Variants in FADS2 observed in about 807,000 individuals in gnomAD.
The protein encoded by FADS2 is fatty acid desaturase 2.
Under a neutral mutation model 61.2 loss-of-function variants are expected in FADS2, and 18 were observed. The observed-to-expected ratio is 0.29, with a 90% CI of 0.20 to 0.44. FADS2 has a LOEUF of 0.44. Ranked by LOEUF, FADS2 falls within the 20% of genes least tolerant of loss-of-function variation. The pLI is 1.00. For missense variants in FADS2, 322 were observed against 572.7 expected, an observed-to-expected ratio of 0.56 and a Z score of 4.47; for synonymous variants, 203 against 223.9, an observed-to-expected ratio of 0.91 and a Z score of 0.83.
intron 5 of FADS2, chr11:61,856,647 T>C: frequency 4.0e-6 from 1 of 251,260 alleles, no homozygotes; most frequent in Non-Finnish European, 7.6e-6. Flanking sequence ...TTAGTGCCTG[T>C]CACATGGGCT....
At chr11:61,857,636 G>A (rs2067373871) in intron 7 of FADS2, 106 bp downstream of exon 7, 2 of 971,894 alleles carry the variant, frequency 2.1e-6, no homozygotes, top group South Asian at 1.3e-5. Context: ...GAGCCTGTGG[G>A]GCCCCAGGCA....
At chr11:61,850,313 C>T (rs563626282) in intron 5 of FADS2, among the ~76,000 whole-genome samples, 5 of 152,194 alleles carry the variant, frequency 3.3e-5, no homozygotes, top group African/African-American at 9.6e-5. Flanking sequence ...TGCAGTGGCA[C>T]GATCTTGGCT....
chr11:61,863,163 G>A lies in FADS2; in HGVS notation c.980+94G>A. ...AGGCTCGGACGGCTCCACTTTGCCT[G>A]GGGACCTCCCATCCTGGCCCCTTGG... On this transcript the variant is annotated intron_variant, in intron 8 of 11. Coordinates refer to ENST00000278840, the MANE Select transcript of FADS2 (RefSeq NM_004265.4). The A allele has an allele frequency of 3.5e-6, 5 of 1,441,100 alleles. No individual in the cohort carries two copies. The South Asian group carries it at 5.7e-5, about 17-fold the overall frequency. 89.3% of individuals were successfully genotyped at this position (1,441,100 alleles called of 1,614,324 possible). A position where few individuals can be genotyped will look rare whatever the true frequency, so the allele number is the denominator to read the frequency against.
intron 10 of FADS2, chr11:61,864,075 A>G: frequency 2.4e-6 from 1 of 418,142 alleles, no homozygotes; most frequent in Non-Finnish European, 4.4e-6. Flanking sequence ...GAGCCTGCAC[A>G]CGCACCTCAT....
intron 1 of FADS2, among the ~76,000 whole-genome samples, chr11:61,820,288 T>C (rs529946654): frequency 6.6e-6 from 1 of 151,746 alleles, no homozygotes; most frequent in African/African-American, 2.4e-5. Flanking sequence ...TTTGGTAAGG[T>C]GCTGGGAATA....
In FADS2 at chr11:61,865,618, G is replaced by C; in HGVS notation, c.1284-20G>C. On this transcript the variant is annotated intron_variant, in intron 11 of 11. Transcript: ENST00000278840. This position sits in a 1 kb window ranked among gnomAD's most constrained non-coding sequence, Gnocchi z 4.1. ...ACTCCCGTCCTGGTCCCTGACCCTGGTCCATCCCCAACTTTGCAGGTCCCT... is the reference window on the plus strand; with the variant it reads ...ACTCCCGTCCTGGTCCCTGACCCTGCTCCATCCCCAACTTTGCAGGTCCCT... 1 of 1,612,046 alleles carries C rather than the reference G, an allele frequency of 6.2e-7. No individual in the cohort carries two copies.
intron 8 of FADS2, 79 bp downstream of exon 8, chr11:61,863,148 G>A (rs1298007416): frequency 6.8e-6 from 10 of 1,479,024 alleles, no homozygotes; most frequent in Admixed American, 3.4e-5. Flanking sequence ...AGGCTCGGAC[G>A]GCTCCACTTT....
Position 61,853,307 on chromosome 11 carries a change from C to CCTTCCTT in FADS2, c.745-3702_745-3696dup, listed in dbSNP as rs1469251019. Reference sequence around the variant, plus strand: ...CCCTCCCTCCCTTCCTTCCTTCCTTCCTTCCTTCCTTCCTTCCTTCCTTCC... The same window carrying CCTTCCTT: ...CCCTCCCTCCCTTCCTTCCTTCCTTCCTTCCTTCTTCCTTCCTTCCTTCCTTCCTTCC... On this transcript the variant is annotated intron_variant, in intron 5 of 11. Coordinates refer to ENST00000278840, the MANE Select transcript of FADS2 (RefSeq NM_004265.4). Among the ~76,000 whole-genome samples, 432 of 127,284 alleles carry CCTTCCTT rather than the reference C, an allele frequency of 3.4e-3. 9 individuals are homozygous for CCTTCCTT. The highest frequency in any genetic ancestry group is 0.012 in the African/African-American group (415 of 33,722). 83.5% of individuals were successfully genotyped at this position (127,284 alleles called of 152,430 possible). A position where few individuals can be genotyped will look rare whatever the true frequency, so the allele number is the denominator to read the frequency against.
At position 61,848,252 on chromosome 11, in the gene FADS2, G is replaced by T; in HGVS notation, c.712G>T (p.Val238Leu). 2 of 1,614,242 alleles carry T rather than the reference G, an allele frequency of 1.2e-6. No individual in the cohort carries two copies. The highest frequency in any genetic ancestry group is 1.7e-6 in the Non-Finnish European group (2 of 1,180,048). Residue 238 changes from valine (V) to leucine (L), a missense_variant, in exon 5 of 12, where the codon GTG becomes TTG. Transcript: ENST00000278840. ...GGATCCCGATGTGAACATGCTGCAC[G>T]TGTTTGTTCTGGGCGAATGGCAGCC... is the stretch of plus-strand genomic sequence containing the variant. ...HKDPDVNMLH[V>L]FVLGEWQPIE...
Position 61,857,085 on chromosome 11 carries a change from G to GT in FADS2, c.805+14_805+15insT. The stretch of plus-strand genomic sequence containing the variant: ...ACTTCTTCCTGAGTGAGTGCTCGGC[G>GT]CCCCGAAATCACTCTGGGACCCTCC... On this transcript the variant is annotated intron_variant, in intron 6 of 11. Coordinates refer to ENST00000278840, the MANE Select transcript of FADS2 (RefSeq NM_004265.4). The GT allele has an allele frequency of 6.2e-7, 1 of 1,612,070 alleles. No individual in the cohort carries two copies.
At chr11:61,822,519 T>G (rs1436330570) in intron 1 of FADS2, among the ~76,000 whole-genome samples, 1 of 152,208 alleles carries the variant, frequency 6.6e-6, no homozygotes, top group Non-Finnish European at 1.5e-5. Context: ...GCTGTTGTCC[T>G]TGCTTCTCTG....
At chr11:61,832,428 G>T (rs2067137977) in intron 1 of FADS2, among the ~76,000 whole-genome samples, 1 of 152,136 alleles carries the variant, frequency 6.6e-6, no homozygotes. Context: ...CAATTTCTGT[G>T]GCTGTAGCCT....
chr11:61,833,373 G>A (rs990420411), intron 1 of FADS2, among the ~76,000 whole-genome samples: 1 of 152,182 alleles, frequency 6.6e-6, no homozygotes, highest in African/African-American at 2.4e-5. Flanking sequence ...TCTGTAACCC[G>A]GCAGGTGCTG....
chr11:61,863,836 T>C lies in FADS2; in HGVS notation c.1157+50T>C, dbSNP rs777071637. 4.2e-6 allele frequency: 6 copies of C among 1,424,730 alleles called. No homozygotes were observed. In the Admixed American group the frequency reaches 8.4e-5, roughly 20 times the overall value. The allele number at this position is 1,424,730 out of a possible 1,614,324, so 88.3% of individuals were successfully genotyped here. A position where few individuals can be genotyped will look rare whatever the true frequency, so the allele number is the denominator to read the frequency against. On this transcript the variant is annotated intron_variant, in intron 10 of 11. Transcript: ENST00000278840. ...GGGGAGACCCACAGCGGGAGGGAAG[T>C]GGCCGCTATCCCACTGGGCAGAATG...
At chr11:61,840,951 C>G (rs1310529000) in intron 4 of FADS2, among the ~76,000 whole-genome samples, 1 of 152,174 alleles carries the variant, frequency 6.6e-6, no homozygotes, top group Non-Finnish European at 1.5e-5. Context: ...GACAGGCACA[C>G]ACCTTTCTTG....
In FADS2 at chr11:61,816,482, T is replaced by C. The variant is rs1424411844; in HGVS notation, c.141+56T>C. ...GAATTAGTCGGTGTTTGGCTCGGAGTGCGTAACTCTGTCTCCCCTGCACTC... is the reference window on the plus strand; with the variant it reads ...GAATTAGTCGGTGTTTGGCTCGGAGCGCGTAACTCTGTCTCCCCTGCACTC... On this transcript the variant is annotated intron_variant, in intron 1 of 11. Transcript: ENST00000257261. The surrounding 1 kb of genome is among the most constrained non-coding windows in gnomAD (Gnocchi z 7.0). The C allele has an allele frequency of 6.2e-7, 1 of 1,600,258 alleles. No individual in the cohort carries two copies. Among genetic ancestry groups the C allele is most frequent in the East Asian group, 2.2e-5 (1 of 44,776 alleles).
chr11:61,824,515 GAA>G (rs2067065520), upstream of FADS2, among the ~76,000 whole-genome samples: 1 of 121,252 alleles, frequency 8.2e-6, no homozygotes, highest in African/African-American at 2.9e-5. Context: ...AAGAAAGAAA[GAA>G]AGAAAGAAAG....
At chr11:61,841,055 ATT>A (rs200202925) in intron 4 of FADS2, among the ~76,000 whole-genome samples, 8 of 141,528 alleles carry the variant, frequency 5.7e-5, no homozygotes, top group Admixed American at 7.0e-5. Flanking sequence ...AAGTAGCAGT[ATT>A]TTTTTTTTTT....
At chr11:61,850,114 C>A (rs1030549162) in intron 5 of FADS2, among the ~76,000 whole-genome samples, 1 of 152,176 alleles carries the variant, frequency 6.6e-6, no homozygotes, top group Non-Finnish European at 1.5e-5. Context: ...GCCCTTCCCC[C>A]CCAGTTCATG....
Sources: gnomAD v4.1 joint callset for allele counts (sites outside exome capture counted in the v4.1 genomes callset) on GRCh38, gnomAD v4.1.1 for gene constraint, Gnocchi (gnomAD v3.1) non-coding constraint, MANE v1.5 for transcripts, NCBI Gene and HGNC (gene_info 2026-07-23, HGNC 2026-07-21) for gene names.